Variants in ADAM22 observed in about 807,000 individuals in gnomAD.
ADAM22 encodes the protein disintegrin and metalloproteinase domain-containing protein 22.
ADAM22 carries 65 observed loss-of-function variants against 144.6 expected under a neutral mutation model. That is an observed-to-expected ratio of 0.45 (90% CI 0.37 to 0.55). ADAM22 has a LOEUF of 0.55. Among genes scored for constraint, ADAM22 ranks in the 20% least tolerant of loss-of-function variants. The pLI is 0.00. For synonymous variants in ADAM22, 391 were observed against 412.6 expected, an observed-to-expected ratio of 0.95 and a Z score of 0.63; for missense variants, 974 against 1,184.9, an observed-to-expected ratio of 0.82 and a Z score of 2.61.
chr7:88,164,461 A>G (rs970738315), intron 23 of ADAM22, among the ~76,000 whole-genome samples: 11 of 152,062 alleles, frequency 7.2e-5, no homozygotes, highest in Non-Finnish European at 1.3e-4. Context: ...CAGCAACTCT[A>G]TATTTGTGTC....
intron 6 of ADAM22, among the ~76,000 whole-genome samples, chr7:88,116,474 T>A (rs1255402755): frequency 6.6e-6 from 1 of 152,194 alleles, no homozygotes; most frequent in Non-Finnish European, 1.5e-5. Context: ...GTCTTATTTG[T>A]CCTTGGGGGA....
chr7:87,987,566 C>G (rs1300207366), intron 3 of ADAM22, among the ~76,000 whole-genome samples: 1 of 152,162 alleles, frequency 6.6e-6, no homozygotes, highest in South Asian at 2.1e-4. Flanking sequence ...AGGTTTGACA[C>G]ATTGGGTTCC....
intron 4 of ADAM22, among the ~76,000 whole-genome samples, chr7:88,101,217 A>AG (rs35853193): frequency 0.57 from 86,170 of 151,610 alleles, 25,552 homozygotes; most frequent in East Asian, 0.9. Flanking sequence ...ATATGCTGCC[A>AG]GGTTGGCAAC....
At chr7:88,086,002 C>T (rs993667375) in intron 4 of ADAM22, among the ~76,000 whole-genome samples, 1 of 152,054 alleles carries the variant, frequency 6.6e-6, no homozygotes. Context: ...CGGTGAAACC[C>T]CGTCTCTACT....
At chr7:88,177,273 AT>A (rs34763148) in intron 26 of ADAM22, among the ~76,000 whole-genome samples, 2 of 151,806 alleles carry the variant, frequency 1.3e-5, no homozygotes, top group African/African-American at 4.8e-5. Flanking sequence ...TATTGACAGC[AT>A]TTTTTTTCAA....
intron 1 of ADAM22, 144 bp from the exon 2 acceptor site, chr7:87,934,882 C>G: frequency 8.5e-7 from 1 of 1,171,478 alleles, no homozygotes; most frequent in Non-Finnish European, 1.2e-6. Flanking sequence ...GTCTCTGCGT[C>G]CTTCCCAGTT....
chr7:88,067,612 G>A (rs1811610910), intron 3 of ADAM22, among the ~76,000 whole-genome samples: 1 of 152,056 alleles, frequency 6.6e-6, no homozygotes, highest in South Asian at 2.1e-4. Context: ...CGGTGTCTAG[G>A]CATTTTTTTA....
At chr7:87,999,307 T>C (rs1019885288) in intron 3 of ADAM22, among the ~76,000 whole-genome samples, 12 of 152,214 alleles carry the variant, frequency 7.9e-5, no homozygotes, top group African/African-American at 2.9e-4. Context: ...CTATTCACCT[T>C]ATACACAATC....
At chr7:88,072,737 C>A (rs959506697) in intron 3 of ADAM22, among the ~76,000 whole-genome samples, 6 of 152,272 alleles carry the variant, frequency 3.9e-5, no homozygotes, top group East Asian at 1.9e-4. Flanking sequence ...GGAGAGGGAA[C>A]CTGGCTGGCT....
chr7:88,193,837 TC>T (rs1850125378), intron 31 of ADAM22, among the ~76,000 whole-genome samples: 2 of 152,250 alleles, frequency 1.3e-5, no homozygotes, highest in South Asian at 4.1e-4. Context: ...ATCTCTTTGA[TC>T]CCAAACCTAA....
Position 88,202,363 on chromosome 7 carries a change from G to A in ADAM22, c.*5872G>A, listed in dbSNP as rs570230081. 3.9e-5 allele frequency: 6 copies of A among 152,314 alleles called. No individual in the cohort carries two copies. Among genetic ancestry groups the A allele is most frequent in the African/African-American group, 1.4e-4 (6 of 41,576 alleles). The allele number at this position is 152,314 out of a possible 1,614,324, so 9.4% of individuals were successfully genotyped here. On this transcript the variant is annotated 3_prime_UTR_variant, in exon 32 of 32. Coordinates refer to ENST00000413139, the MANE Select transcript of ADAM22 (RefSeq NM_001324418.2). ...AGACAACTTCTTTCAGAAACGGGGTGTTTTACCTAAACATAGTAGCTTACA... is the reference window on the plus strand; with the variant it reads ...AGACAACTTCTTTCAGAAACGGGGTATTTTACCTAAACATAGTAGCTTACA...
At chr7:88,011,413 A>G (rs1037981230) in intron 3 of ADAM22, among the ~76,000 whole-genome samples, 2 of 151,862 alleles carry the variant, frequency 1.3e-5, no homozygotes, top group Non-Finnish European at 2.9e-5. Context: ...GGTGGCAGGC[A>G]CCTGTAGTCC....
At chr7:87,938,108 T>C (rs913166520) in intron 2 of ADAM22, among the ~76,000 whole-genome samples, 1 of 152,128 alleles carries the variant, frequency 6.6e-6, no homozygotes, top group African/African-American at 2.4e-5. Context: ...AGAGCAATCA[T>C]TGGATTGAAA....
intron 26 of ADAM22, among the ~76,000 whole-genome samples, chr7:88,176,954 G>A (rs1422707863): frequency 1.3e-5 from 2 of 152,006 alleles, no homozygotes; most frequent in East Asian, 3.9e-4. Flanking sequence ...TTGTAGAGAT[G>A]GAGTTTTACC....
intron 29 of ADAM22, among the ~76,000 whole-genome samples, chr7:88,184,903 CAGTACTTTG>C (rs1200997468): frequency 6.6e-6 from 1 of 152,162 alleles, no homozygotes; most frequent in African/African-American, 2.4e-5. Flanking sequence ...GCTGTGGCAC[CAGTACTTTG>C]AGTTTCTAAG....
intron 3 of ADAM22, among the ~76,000 whole-genome samples, chr7:88,041,540 C>T (rs1435308887): frequency 6.6e-6 from 1 of 151,612 alleles, no homozygotes; most frequent in African/African-American, 2.4e-5. Context: ...TCTTTGTTAC[C>T]TCTTTGTAAA....
chr7:87,967,807 C>CATA (rs1849484275), intron 2 of ADAM22, among the ~76,000 whole-genome samples: 2 of 60,952 alleles, frequency 3.3e-5, no homozygotes, highest in Non-Finnish European at 5.6e-5. Flanking sequence ...GACTCTGTCT[C>CATA]AAAAAAAAAA....
intron 4 of ADAM22, among the ~76,000 whole-genome samples, chr7:88,082,266 G>C (rs1201721783): frequency 6.6e-6 from 1 of 152,136 alleles, no homozygotes; most frequent in African/African-American, 2.4e-5. Flanking sequence ...AATGGTGCTG[G>C]GAAAACTGGC....
chr7:88,148,367 A>G (rs17150274), intron 17 of ADAM22, among the ~76,000 whole-genome samples: 6,684 of 152,304 alleles, frequency 0.044, 449 homozygotes, highest in East Asian at 0.26. Flanking sequence ...GAAGTTAAAC[A>G]TTTATTTGTA....
Sources: gnomAD v4.1 joint callset for allele counts (sites outside exome capture counted in the v4.1 genomes callset) on GRCh38, gnomAD v4.1.1 for gene constraint, MANE v1.5 for transcripts, NCBI Gene and HGNC (gene_info 2026-07-23, HGNC 2026-07-21) for gene names.